The following SLC5A11 variants were observed in gnomAD, a reference collection of about 807,000 sequenced individuals.
SLC5A11 encodes sodium/myo-inositol cotransporter 2.
A neutral mutation model predicts 69.8 loss-of-function variants in SLC5A11; 48 were observed. The ratio of observed to expected loss-of-function variants is 0.69; its 90% CI spans 0.55 to 0.87. The LOEUF (loss-of-function observed/expected upper bound fraction) is 0.87. Among genes scored for constraint, SLC5A11 ranks in the 40% least tolerant of loss-of-function variants. The pLI, the probability that SLC5A11 is intolerant of heterozygous loss-of-function variation, is 0.00. For missense variants in SLC5A11, 784 were observed against 866.1 expected, an observed-to-expected ratio of 0.91 and a Z score of 1.19; for synonymous variants, 319 against 342.4, an observed-to-expected ratio of 0.93 and a Z score of 0.75.
Position 24,906,637 on chromosome 16 carries a change from G to A in SLC5A11, c.1007-20G>A. ...CTGGGGGCCTGACTGCTCACCTCTG[G>A]GCCTGTGTTTCCTTCGTAGATCAAG... On this transcript the variant is annotated intron_variant, in intron 10 of 15. Coordinates refer to ENST00000347898, the Ensembl canonical transcript of SLC5A11. 6.3e-7 allele frequency: 1 copy of A among 1,580,094 alleles called. No individual in the cohort carries two copies. Among genetic ancestry groups the A allele is most frequent in the Non-Finnish European group, 8.6e-7 (1 of 1,157,900 alleles).
chr16:24,852,160 C>T (rs2059341994), intron 1 of SLC5A11, among the ~76,000 whole-genome samples: 1 of 152,130 alleles, frequency 6.6e-6, no homozygotes, highest in Admixed American at 6.5e-5. Flanking sequence ...CTTTTTCTTT[C>T]ATTATGAAAC....
intron 15 of SLC5A11, 125 bp from the exon 17 acceptor site, chr16:24,911,203 G>A (rs965099651): frequency 7.6e-5 from 63 of 827,608 alleles, no homozygotes; most frequent in Non-Finnish European, 1.1e-4. Flanking sequence ...TTTCAGTCGG[G>A]CATAGTGGAT....
At chr16:24,900,218 G>T (rs1274542376) in intron 10 of SLC5A11, among the ~76,000 whole-genome samples, 1 of 152,174 alleles carries the variant, frequency 6.6e-6, no homozygotes, top group Admixed American at 6.5e-5. Flanking sequence ...GAGCTTTCCA[G>T]TGTACTCACC....
intron 1 of SLC5A11, among the ~76,000 whole-genome samples, chr16:24,849,593 A>AAAAAAAATATATATATAT: frequency 2.8e-5 from 1 of 35,918 alleles, no homozygotes; most frequent in African/African-American, 9.2e-5. Flanking sequence ...AAAAAAAAAA[A>AAAAAAAATATATATATAT]ATATATATAT....
At chr16:24,879,546 G>A (rs1054079744) in intron 7 of SLC5A11, among the ~76,000 whole-genome samples, 6 of 152,254 alleles carry the variant, frequency 3.9e-5, no homozygotes, top group African/African-American at 1.2e-4. Flanking sequence ...AGAGCATCCT[G>A]GCCAACATGG....
chr16:24,858,619 G>A lies in SLC5A11; in HGVS notation c.-24-1G>A, dbSNP rs748057671. 6.3e-7 allele frequency: 1 copy of A among 1,588,870 alleles called. No homozygotes were observed. Among genetic ancestry groups the A allele is most frequent in the Non-Finnish European group, 8.6e-7 (1 of 1,166,674 alleles). On this transcript the variant is annotated splice_acceptor_variant, in intron 1 of 15. Coordinates refer to ENST00000347898, the Ensembl canonical transcript of SLC5A11. LOFTEE classifies it low-confidence loss of function (5UTR_SPLICE). ...TTTGACTGGCATTTGCCCTTCCTCAGGATCCAGAGGTCTCGTTCAGGACCA... is the reference window on the plus strand; with the variant it reads ...TTTGACTGGCATTTGCCCTTCCTCAAGATCCAGAGGTCTCGTTCAGGACCA...
At chr16:24,907,472 G>A (rs1406687130) in intron 12 of SLC5A11, among the ~76,000 whole-genome samples, 1 of 152,144 alleles carries the variant, frequency 6.6e-6, no homozygotes, top group African/African-American at 2.4e-5. Context: ...CAGTACTTTG[G>A]GAGGCCGAGG....
intron 6 of SLC5A11, 81 bp downstream of exon 7, chr16:24,875,812 C>T: frequency 9.1e-7 from 1 of 1,100,838 alleles, no homozygotes; most frequent in Non-Finnish European, 1.4e-6. Context: ...GGAGTGTCTC[C>T]TCGCTATCCC....
exon 1 of SLC5A11, chr16:24,846,206 C>A (rs1467685101): frequency 6.6e-6 from 1 of 152,500 alleles, no homozygotes; most frequent in Admixed American, 6.5e-5. Context: ...GGAGATCATT[C>A]ACGCTTCCTT....
intron 11 of SLC5A11, 108 bp downstream of exon 12, chr16:24,906,872 G>A: frequency 2.9e-6 from 4 of 1,386,842 alleles, no homozygotes; most frequent in Non-Finnish European, 4.0e-6. Context: ...TGGTGGGGGA[G>A]GAAGACTCTG....
intron 2 of SLC5A11, among the ~76,000 whole-genome samples, 184 bp downstream of exon 3, chr16:24,858,962 A>C (rs1350642194): frequency 6.6e-6 from 1 of 152,226 alleles, no homozygotes; most frequent in East Asian, 1.9e-4. Context: ...CTATTGTCAG[A>C]CACTGTTTTA....
At chr16:24,877,942 C>T (rs939752770) in intron 7 of SLC5A11, among the ~76,000 whole-genome samples, 1 of 151,998 alleles carries the variant, frequency 6.6e-6, no homozygotes, top group Non-Finnish European at 1.5e-5. Context: ...CAAGATCGCG[C>T]CACTGCACTC....
chr16:24,905,640 G>GCGCGCACACACACACACA, intron 10 of SLC5A11, among the ~76,000 whole-genome samples: 1 of 136,780 alleles, frequency 7.3e-6, no homozygotes, highest in African/African-American at 2.8e-5. Context: ...GCGCGCGCGC[G>GCGCGCACACACACACACA]CACACACACA....
At chr16:24,901,976 A>G (rs1164269361) in intron 10 of SLC5A11, among the ~76,000 whole-genome samples, 6 of 150,600 alleles carry the variant, frequency 4.0e-5, no homozygotes, top group South Asian at 2.1e-4. Context: ...ACACACACAC[A>G]CACACATATA....
At chr16:24,869,816 C>A in intron 3 of SLC5A11, 85 bp from the exon 5 acceptor site, 1 of 963,346 alleles carries the variant, frequency 1.0e-6, no homozygotes. Flanking sequence ...CTTCTCTGTC[C>A]CTTTGGAGCA....
At chr16:24,873,305 A>AAGGAAG in intron 5 of SLC5A11, among the ~76,000 whole-genome samples, 3 of 120,674 alleles carry the variant, frequency 2.5e-5, no homozygotes, top group Admixed American at 1.6e-4. Flanking sequence ...AAGGAAGGAA[A>AAGGAAG]TAAATATAAT....
chr16:24,868,800 TCTC>T (rs1304030269), intron 3 of SLC5A11, among the ~76,000 whole-genome samples: 2 of 151,544 alleles, frequency 1.3e-5, no homozygotes, highest in East Asian at 3.9e-4. Context: ...CCTTCACCCT[TCTC>T]CTCCTCCTTT....
intron 1 of SLC5A11, among the ~76,000 whole-genome samples, chr16:24,854,533 G>C (rs895951447): frequency 1.3e-5 from 2 of 151,980 alleles, no homozygotes; most frequent in Admixed American, 6.5e-5. Context: ...GGGTTCAAGC[G>C]ATCTTTCTGC....
At chr16:24,909,580 G>A (rs1215988809) in intron 14 of SLC5A11, among the ~76,000 whole-genome samples, 1 of 142,676 alleles carries the variant, frequency 7.0e-6, no homozygotes, top group East Asian at 2.0e-4. Flanking sequence ...TTTTGATGGT[G>A]CAGTGAGCTA....
Sources: allele counts gnomAD v4.1 joint callset (sites outside exome capture counted in the v4.1 genomes callset), GRCh38; gene constraint gnomAD v4.1.1; transcripts MANE v1.5; gene names NCBI Gene and HGNC (gene_info 2026-07-23, HGNC 2026-07-21).